The following PRDM15 variants were observed in gnomAD, a reference collection of about 807,000 sequenced individuals.
The protein encoded by PRDM15 is PR domain zinc finger protein 15.
In PRDM15, 64 loss-of-function variants were observed where a neutral mutation model predicts 128.6. The observed-to-expected ratio is 0.50, with a 90% CI of 0.41 to 0.61. The LOEUF is 0.61. Ranked by LOEUF, PRDM15 falls within the 20% of genes least tolerant of loss-of-function variation. The probability of loss-of-function intolerance (pLI) is 0.00; values close to 1 mark genes in which losing one functional copy is unlikely to be tolerated. For missense variants in PRDM15, 1,242 were observed against 1,569.1 expected (o/e 0.79, Z 3.52); for synonymous variants, 615 against 621.8 (o/e 0.99, Z 0.16).
chr21:41,831,850 C>T (rs1215977245), intron 11 of PRDM15, among the ~76,000 whole-genome samples: 1 of 152,216 alleles, frequency 6.6e-6, no homozygotes, highest in East Asian at 1.9e-4. Flanking sequence ...CCACCTGCAG[C>T]GTGACCTCAG....
intron 11 of PRDM15, among the ~76,000 whole-genome samples, chr21:41,830,990 C>A (rs2062670066): frequency 6.6e-6 from 1 of 152,226 alleles, no homozygotes; most frequent in Non-Finnish European, 1.5e-5. Context: ...TTGACGGCGA[C>A]CCCGGGGCCC....
At chr21:41,819,741 C>A in intron 17 of PRDM15, 40 bp from the exon 18 acceptor site, 1 of 1,568,478 alleles carries the variant, frequency 6.4e-7, no homozygotes, top group East Asian at 2.3e-5. Flanking sequence ...CCGAGCAGCT[C>A]CGACCTGCAG....
chr21:41,866,094 C>G (rs1485361367), intron 1 of PRDM15, among the ~76,000 whole-genome samples: 1 of 152,170 alleles, frequency 6.6e-6, no homozygotes, highest in East Asian at 1.9e-4. Flanking sequence ...CTTTTCCACT[C>G]ACTCCTTTTG....
At chr21:41,823,269 G>A in intron 14 of PRDM15, 49 bp downstream of exon 14, 1 of 1,593,380 alleles carries the variant, frequency 6.3e-7, no homozygotes, top group Non-Finnish European at 8.5e-7. Flanking sequence ...ACGCTGGCCT[G>A]GGGGCCTGCC....
At chr21:41,834,844 C>G (rs1421468018) in intron 11 of PRDM15, among the ~76,000 whole-genome samples, 1 of 152,228 alleles carries the variant, frequency 6.6e-6, no homozygotes, top group Non-Finnish European at 1.5e-5. Flanking sequence ...CCCCCAGGCC[C>G]GAAGAGGCCA....
At chr21:41,830,197 TACAC>T (rs1163089531) in intron 11 of PRDM15, among the ~76,000 whole-genome samples, 1 of 134,394 alleles carries the variant, frequency 7.4e-6, no homozygotes, top group Non-Finnish European at 1.6e-5. Context: ...CCAACACAAA[TACAC>T]ACATTCAACA....
At chr21:41,819,181 G>A (rs577771137) in intron 18 of PRDM15, among the ~76,000 whole-genome samples, 5 of 152,210 alleles carry the variant, frequency 3.3e-5, no homozygotes, top group Non-Finnish European at 5.9e-5. Flanking sequence ...CTTTCCTTAA[G>A]TAAGCGACTG....
At chr21:41,844,406 C>T (rs1387928629) in intron 6 of PRDM15, among the ~76,000 whole-genome samples, 5 of 138,444 alleles carry the variant, frequency 3.6e-5, no homozygotes, top group African/African-American at 1.1e-4. Context: ...CCCCTCCCCC[C>T]TCACAGGGAC....
rs185774908 is a variant in PRDM15 at position 41,869,614 on chromosome 21, T to G, written c.-9-9242A>C. On this transcript the variant is annotated intron_variant, in intron 1 of 23. Coordinates refer to ENST00000398548, the MANE Select transcript of PRDM15 (RefSeq NM_001040424.3). Reference sequence around the variant, plus strand: ...GGCATGCACCACCACGCCTGGCTAATTTTGCATTTTTAGTAGAGACGGGGT... The same window carrying G: ...GGCATGCACCACCACGCCTGGCTAAGTTTGCATTTTTAGTAGAGACGGGGT... 1.4e-3 allele frequency among the ~76,000 whole-genome samples: 220 copies of G among 152,180 alleles called. 1 individual carries two copies. Among genetic ancestry groups the G allele is most frequent in the Non-Finnish European group, 8.8e-4 (60 of 67,996 alleles).
At chr21:41,861,991 C>T in intron 1 of PRDM15, 3 of 1,612,980 alleles carry the variant, frequency 1.9e-6, no homozygotes, top group South Asian at 1.1e-5. Flanking sequence ...CGCATTCGGC[C>T]TTGCCTGCCC....
At position 41,878,795 on chromosome 21, in the gene PRDM15, G is replaced by A. The variant is rs781104200; in HGVS notation, c.-10+475C>T. 46 of 1,282,948 alleles carry A rather than the reference G, an allele frequency of 3.6e-5. No homozygotes were observed. Among genetic ancestry groups the A allele is most frequent in the East Asian group, 6.0e-5 (2 of 33,510 alleles). 79.5% of individuals were successfully genotyped at this position (1,282,948 alleles called of 1,614,324 possible). ...GGGCGGGGGATAACGACATCCCCTGGGGCCTCGGCGACGACGCCGCCCGGC... is the reference window on the plus strand; with the variant it reads ...GGGCGGGGGATAACGACATCCCCTGAGGCCTCGGCGACGACGCCGCCCGGC... On this transcript the variant is annotated intron_variant, in intron 1 of 23. Coordinates refer to ENST00000398548, the MANE Select transcript of PRDM15 (RefSeq NM_001040424.3).
chr21:41,863,622 A>G (rs559052159), intron 1 of PRDM15, among the ~76,000 whole-genome samples: 1 of 151,816 alleles, frequency 6.6e-6, no homozygotes, highest in Non-Finnish European at 1.5e-5. Context: ...GACTTCAGGC[A>G]AATGGGGGGT....
intron 6 of PRDM15, among the ~76,000 whole-genome samples, chr21:41,843,765 T>C (rs2063144500): frequency 6.6e-6 from 1 of 152,124 alleles, no homozygotes; most frequent in Non-Finnish European, 1.5e-5. Context: ...AGCCTTGTTA[T>C]GGAATCCTGA....
rs558318689 is a variant in PRDM15 at position 41,832,351 on chromosome 21, G to A, written c.1366+3086C>T. ...CCACACCTTACAGCACTGTGGCATC[G>A]GATCACCACAGGCCACACCTTTACA... On this transcript the variant is annotated intron_variant, in intron 11 of 23. Transcript: ENST00000398548. The surrounding 1 kb of genome is among the most constrained non-coding windows in gnomAD (Gnocchi z 4.2). 2.0e-5 allele frequency among the ~76,000 whole-genome samples: 3 copies of A among 149,782 alleles called. No homozygotes were observed. The highest frequency in any genetic ancestry group is 2.1e-4 in the South Asian group (1 of 4,698).
At chr21:41,826,298 G>A (rs951738096) in intron 12 of PRDM15, among the ~76,000 whole-genome samples, 2 of 152,214 alleles carry the variant, frequency 1.3e-5, no homozygotes, top group African/African-American at 4.8e-5. Context: ...GGGATCTGCC[G>A]AGACAGTTCT....
Position 41,810,944 on chromosome 21 carries a change from G to C in PRDM15, c.2393-108C>G, listed in dbSNP as rs2061844339. 2.2e-6 allele frequency: 2 copies of C among 896,354 alleles called. No homozygotes were observed. Among genetic ancestry groups the C allele is most frequent in the Non-Finnish European group, 3.6e-6 (2 of 552,540 alleles). 55.5% of individuals were successfully genotyped at this position (896,354 alleles called of 1,614,324 possible). Reference sequence around the variant, plus strand: ...TCCAGGCACTGTAGGGCCTTCAGGAGAAGGTGAATTGCAAGAAGACAGCAG... The same window carrying C: ...TCCAGGCACTGTAGGGCCTTCAGGACAAGGTGAATTGCAAGAAGACAGCAG... On this transcript the variant is annotated intron_variant, in intron 19 of 23. Coordinates refer to ENST00000398548, the MANE Select transcript of PRDM15 (RefSeq NM_001040424.3). The surrounding 1 kb of genome is among the most constrained non-coding windows in gnomAD (Gnocchi z 6.4).
intron 1 of PRDM15, chr21:41,871,644 G>A (rs765549028): frequency 4.9e-5 from 78 of 1,593,770 alleles, no homozygotes; most frequent in Non-Finnish European, 6.4e-5. Context: ...AGTGGGTCAC[G>A]AAAGTAGACA....
chr21:41,838,739 G>A (rs1347363356), intron 7 of PRDM15, among the ~76,000 whole-genome samples: 4 of 152,170 alleles, frequency 2.6e-5, no homozygotes, highest in Non-Finnish European at 5.9e-5. Context: ...TCCTAAATCA[G>A]CGCCCAACAG....
chr21:41,804,881 A>G (rs2061514200), intron 21 of PRDM15, among the ~76,000 whole-genome samples: 1 of 152,142 alleles, frequency 6.6e-6, no homozygotes, highest in Admixed American at 6.5e-5. Flanking sequence ...TGGGGAGACT[A>G]TGTCCTCCCT....
Sources: gnomAD v4.1 joint callset for allele counts (sites outside exome capture counted in the v4.1 genomes callset) on GRCh38, gnomAD v4.1.1 for gene constraint, Gnocchi (gnomAD v3.1) non-coding constraint, MANE v1.5 for transcripts, NCBI Gene and HGNC (gene_info 2026-07-23, HGNC 2026-07-21) for gene names.